The following KLRG2 variants were observed in gnomAD, a reference collection of about 807,000 sequenced individuals.
KLRG2 encodes the protein killer cell lectin-like receptor subfamily G member 2.
KLRG2 carries 39 observed loss-of-function variants against 35.4 expected under a neutral mutation model. The observed-to-expected ratio is 1.10, with a 90% CI of 0.85 to 1.44. KLRG2 has a LOEUF of 1.44. KLRG2 is among the 40% of genes most tolerant of loss of function. The pLI is 0.00. For synonymous variants in KLRG2, 283 were observed against 265.8 expected (o/e 1.06, Z -0.63); for missense variants, 632 against 570.9 (o/e 1.11, Z -1.09).
intron 3 of KLRG2, among the ~76,000 whole-genome samples, chr7:139,456,067 A>G (rs569454087): frequency 2.0e-5 from 3 of 152,346 alleles, no homozygotes; most frequent in Non-Finnish European, 2.9e-5. Flanking sequence ...ACTCACAACA[A>G]TGTCAAGAAG....
the KLRG2 span, among the ~76,000 whole-genome samples, chr7:139,429,054 C>T: frequency 3.3e-5 from 5 of 152,162 alleles, no homozygotes; most frequent in South Asian, 2.1e-4. Context: ...TGGTGGCTTA[C>T]GCCTGTAATC....
chr7:139,453,471 G>A lies in KLRG2; in HGVS notation c.*116C>T, dbSNP rs1333856426. On this transcript the variant is annotated 3_prime_UTR_variant, in exon 5 of 5. Coordinates refer to ENST00000340940, the MANE Select transcript of KLRG2 (RefSeq NM_198508.4). ...CTCGCTCATGTGGCCCCCTTGAGCAGAGCATGAAGACCTGGATAACTGGGT... is the reference window on the plus strand; with the variant it reads ...CTCGCTCATGTGGCCCCCTTGAGCAAAGCATGAAGACCTGGATAACTGGGT... The A allele has an allele frequency of 1.8e-6, 2 of 1,111,860 alleles. No homozygotes were observed. Among genetic ancestry groups the A allele is most frequent in the Non-Finnish European group, 2.6e-6 (2 of 781,792 alleles). The allele number at this position is 1,111,860 out of a possible 1,614,324, so 68.9% of individuals were successfully genotyped here.
the KLRG2 span, among the ~76,000 whole-genome samples, chr7:139,437,754 G>A: frequency 3.0e-3 from 391 of 128,696 alleles, 2 homozygotes; most frequent in Admixed American, 0.021. Flanking sequence ...CACCGCACCC[G>A]GCCATCATTA....
intron 3 of KLRG2, among the ~76,000 whole-genome samples, chr7:139,478,653 G>A (rs1796898742): frequency 6.6e-6 from 1 of 152,150 alleles, no homozygotes; most frequent in East Asian, 1.9e-4. Flanking sequence ...CTGGGCAACA[G>A]AGTGAGACAC....
intron 3 of KLRG2, among the ~76,000 whole-genome samples, chr7:139,463,721 T>A (rs2116446298): frequency 6.6e-6 from 1 of 152,366 alleles, no homozygotes; most frequent in South Asian, 2.1e-4. Flanking sequence ...CAAGGCTCTC[T>A]GACTGACTCC....
chr7:139,445,793 G>GTATATATATATATATATATATATACATA, the KLRG2 span, among the ~76,000 whole-genome samples: 1 of 95,600 alleles, frequency 1.0e-5, no homozygotes, highest in African/African-American at 8.3e-5. Flanking sequence ...ATATATATAT[G>GTATATATATATATATATATATATACATA]TGTGTATATA....
the KLRG2 span, among the ~76,000 whole-genome samples, chr7:139,433,447 TC>T: frequency 6.6e-6 from 1 of 152,096 alleles, no homozygotes; most frequent in African/African-American, 2.4e-5. Context: ...TGCCTCAGTC[TC>T]CCGAGTAGCT....
the KLRG2 span, among the ~76,000 whole-genome samples, chr7:139,446,900 CTTAAT>C: frequency 6.6e-6 from 1 of 152,058 alleles, no homozygotes; most frequent in Non-Finnish European, 1.5e-5. Flanking sequence ...TTTGAAGATC[CTTAAT>C]TTAATCACAG....
chr7:139,435,414 C>G, the KLRG2 span, among the ~76,000 whole-genome samples: 2 of 152,118 alleles, frequency 1.3e-5, no homozygotes, highest in African/African-American at 4.8e-5. Flanking sequence ...CGCTTGAACC[C>G]TGAAGGTAGA....
Position 139,454,171 on chromosome 7 carries a change from C to T in KLRG2, c.1049G>A (p.Gly350Glu), listed in dbSNP as rs1373332744. The T allele has an allele frequency of 5.2e-6, 8 of 1,545,200 alleles. No homozygotes were observed. In the East Asian group the frequency reaches 1.5e-4, roughly 28 times the overall value. ...RYPVSRHSWV[G>E]AWRGPQGWHW... ...CCAGCCCTGGGGGCCTCGCCAGGCC[C>T]CCACCCAGGAGTGCCTGGAGACTGG... The change falls in exon 4 of 5, where the codon GGG becomes GAG. Residue 350 changes from glycine (G) to glutamate (E), a missense_variant. Coordinates refer to ENST00000340940, the MANE Select transcript of KLRG2 (RefSeq NM_198508.4).
intron 3 of KLRG2, among the ~76,000 whole-genome samples, chr7:139,474,892 C>T (rs1796823188): frequency 6.6e-6 from 1 of 152,142 alleles, no homozygotes; most frequent in Admixed American, 6.5e-5. Flanking sequence ...AGATGCAGGC[C>T]CAGACCTAGG....
At chr7:139,448,786 A>G (rs904344919), downstream of KLRG2, 1 of 152,170 alleles carries the variant, frequency 6.6e-6, no homozygotes. Flanking sequence ...CAATACAGAG[A>G]TTAGCATGGC....
chr7:139,449,004 G>A (rs1259627858), downstream of KLRG2, among the ~76,000 whole-genome samples: 1 of 151,818 alleles, frequency 6.6e-6, no homozygotes, highest in Non-Finnish European at 1.5e-5. Flanking sequence ...CTACTCGGGG[G>A]GCTGAGGCAG....
At chr7:139,429,466 G>T in the KLRG2 span, among the ~76,000 whole-genome samples, 1 of 151,738 alleles carries the variant, frequency 6.6e-6, no homozygotes, top group Non-Finnish European at 1.5e-5. Context: ...TGGAGGGAAG[G>T]TCAGCAGATA....
intron 3 of KLRG2, among the ~76,000 whole-genome samples, chr7:139,459,683 T>A (rs1420127749): frequency 6.6e-6 from 1 of 152,174 alleles, no homozygotes; most frequent in Non-Finnish European, 1.5e-5. Context: ...ATATTATTTG[T>A]GGAACATTTA....
At chr7:139,429,949 T>C in the KLRG2 span, among the ~76,000 whole-genome samples, 1 of 152,100 alleles carries the variant, frequency 6.6e-6, no homozygotes. Context: ...ACAGGGCGGC[T>C]GGCCGGGCGG....
At chr7:139,441,458 C>T in the KLRG2 span, among the ~76,000 whole-genome samples, 1 of 151,860 alleles carries the variant, frequency 6.6e-6, no homozygotes, top group Non-Finnish European at 1.5e-5. Context: ...ACATCACACA[C>T]TGGGGCCTGT....
At chr7:139,456,822 G>A (rs148848967) in intron 3 of KLRG2, among the ~76,000 whole-genome samples, 2 of 152,262 alleles carry the variant, frequency 1.3e-5, no homozygotes, top group African/African-American at 2.4e-5. Context: ...TCACTTTCCT[G>A]TATTAGTTGG....
At position 139,476,140 on chromosome 7, in the gene KLRG2, T is replaced by C. The variant is rs575925387; in HGVS notation, c.1005+3487A>G. 3.9e-5 allele frequency among the ~76,000 whole-genome samples: 6 copies of C among 152,136 alleles called. No individual in the cohort carries two copies. The South Asian group carries it at 8.3e-4, about 21-fold the overall frequency. On this transcript the variant is annotated intron_variant, in intron 3 of 4. Coordinates refer to ENST00000340940, the MANE Select transcript of KLRG2 (RefSeq NM_198508.4). ...AATTGAGGCCAGGCACGGTGGCTCA[T>C]GTCTGTAATCCCAGCACTTAGGGAG...
Sources: allele counts gnomAD v4.1 joint callset (sites outside exome capture counted in the v4.1 genomes callset), GRCh38; gene constraint gnomAD v4.1.1; transcripts MANE v1.5; gene names NCBI Gene and HGNC (gene_info 2026-07-23, HGNC 2026-07-21).